CAGE1: variants seen among roughly 807,000 people sequenced by gnomAD.
CAGE1 encodes the protein cancer-associated gene 1 protein.
CAGE1 carries 66 observed loss-of-function variants against 94.9 expected under a neutral mutation model. The ratio of observed to expected loss-of-function variants is 0.70; its 90% CI spans 0.57 to 0.85. The LOEUF (loss-of-function observed/expected upper bound fraction) is 0.85. CAGE1 is among the 40% of genes least tolerant of loss of function. The probability of loss-of-function intolerance (pLI) is 0.00; values close to 1 mark genes in which losing one functional copy is unlikely to be tolerated. For missense variants in CAGE1, 865 were observed against 950.4 expected, an observed-to-expected ratio of 0.91 and a Z score of 1.18; for synonymous variants, 319 against 321.0, an observed-to-expected ratio of 0.99 and a Z score of 0.07.
At chr6:7,337,312 G>A (rs1758989158) in intron 11 of CAGE1, among the ~76,000 whole-genome samples, 1 of 134,674 alleles carries the variant, frequency 7.4e-6, no homozygotes, top group African/African-American at 2.8e-5. Context: ...GGGTGACAGA[G>A]TGAGACTGTC....
At chr6:7,384,280 T>C (rs563631038) in intron 3 of CAGE1, among the ~76,000 whole-genome samples, 12 of 152,310 alleles carry the variant, frequency 7.9e-5, no homozygotes, top group African/African-American at 2.9e-4. Context: ...GGTTTCACCA[T>C]GTTAGCCAGG....
Position 7,339,644 on chromosome 6 carries a change from A to C in CAGE1, c.2370-5554T>G, listed in dbSNP as rs569560870. 9.6e-5 allele frequency: 60 copies of C among 626,352 alleles called. 1 individual carries two copies. The African/African-American group carries it at 1.0e-3, about 11-fold the overall frequency. The allele number at this position is 626,352 out of a possible 1,614,324, so 38.8% of individuals were successfully genotyped here. ...TTTGTGTCCTCATAGCTTAGCTCCCACTTATGAGTGAGAACATATGATGTT... is the reference window on the plus strand; with the variant it reads ...TTTGTGTCCTCATAGCTTAGCTCCCCCTTATGAGTGAGAACATATGATGTT... On this transcript the variant is annotated intron_variant, in intron 11 of 13. Transcript: ENST00000502583. This position sits in a 1 kb window ranked among gnomAD's most constrained non-coding sequence, Gnocchi z 4.7.
chr6:7,353,832 G>A (rs975243520), intron 11 of CAGE1, among the ~76,000 whole-genome samples: 1 of 151,882 alleles, frequency 6.6e-6, no homozygotes, highest in Non-Finnish European at 1.5e-5. Flanking sequence ...CTAAGTGAAG[G>A]AACTCAGGAA....
rs557641302 is a variant in CAGE1 at position 7,349,352 on chromosome 6, A to G, written c.2369+5689T>C. On this transcript the variant is annotated intron_variant, in intron 11 of 13. Coordinates refer to ENST00000502583, the MANE Select transcript of CAGE1 (RefSeq NM_001170692.2). ...GAAAGATACAGTCTGTTTCAGACAA[A>G]CAAATGCTGAGAGAATTCCCCACTA... Among the ~76,000 whole-genome samples, 5 of 152,336 alleles carry G rather than the reference A, an allele frequency of 3.3e-5. No homozygotes were observed. The South Asian group carries it at 1.0e-3, about 32-fold the overall frequency.
intron 11 of CAGE1, chr6:7,338,970 G>A: frequency 6.2e-7 from 1 of 1,609,856 alleles, no homozygotes; most frequent in South Asian, 1.1e-5. Context: ...GGGCTTCTTA[G>A]GGCCAATCTT....
At chr6:7,348,295 G>C (rs1350568054) in intron 11 of CAGE1, among the ~76,000 whole-genome samples, 1 of 152,170 alleles carries the variant, frequency 6.6e-6, no homozygotes, top group African/African-American at 2.4e-5. Flanking sequence ...AGGTAGACTT[G>C]CTGGGTGGCT....
intron 1 of CAGE1, among the ~76,000 whole-genome samples, chr6:7,387,900 G>A (rs979765060): frequency 6.6e-6 from 1 of 151,094 alleles, no homozygotes; most frequent in African/African-American, 2.4e-5. Context: ...TGGGCGCGGT[G>A]GCGTGTGCCT....
chr6:7,349,796 G>A (rs1384421142), intron 11 of CAGE1, among the ~76,000 whole-genome samples: 5 of 152,028 alleles, frequency 3.3e-5, no homozygotes, highest in African/African-American at 9.7e-5. Context: ...GCCAGGTGTG[G>A]TGGTGCACAC....
At chr6:7,348,109 AGGCCAACCAGT>A (rs1759632870) in intron 11 of CAGE1, among the ~76,000 whole-genome samples, 1 of 152,124 alleles carries the variant, frequency 6.6e-6, no homozygotes, top group Non-Finnish European at 1.5e-5. Context: ...TCCTCACAGG[AGGCCAACCAGT>A]ACAAAAATAA....
intron 3 of CAGE1, among the ~76,000 whole-genome samples, chr6:7,380,274 G>A (rs1258804824): frequency 6.6e-6 from 1 of 152,152 alleles, no homozygotes; most frequent in Non-Finnish European, 1.5e-5. Context: ...CTTTAGGTGA[G>A]TGATTAATAT....
chr6:7,369,522 C>T (rs1456953981), intron 6 of CAGE1, among the ~76,000 whole-genome samples: 1 of 152,178 alleles, frequency 6.6e-6, no homozygotes, highest in Non-Finnish European at 1.5e-5. Flanking sequence ...CTACACTGCC[C>T]TTCCCCGACT....
chr6:7,338,725 G>C (rs1581659320), intron 11 of CAGE1: 1 of 656,284 alleles, frequency 1.5e-6, no homozygotes, highest in East Asian at 2.8e-5. Context: ...TTTCCCCCAA[G>C]TCCCCAAAGT....
intron 11 of CAGE1, among the ~76,000 whole-genome samples, chr6:7,354,565 T>TA (rs1759886976): frequency 6.6e-6 from 1 of 152,180 alleles, no homozygotes; most frequent in African/African-American, 2.4e-5. Context: ...AAGCAGCATA[T>TA]TAGAAACAAG....
At chr6:7,372,546 A>G (rs1760575431) in intron 5 of CAGE1, among the ~76,000 whole-genome samples, 1 of 152,048 alleles carries the variant, frequency 6.6e-6, no homozygotes, top group African/African-American at 2.4e-5. Flanking sequence ...TCCCACGTTA[A>G]TGGCCACCTC....
intron 1 of CAGE1, among the ~76,000 whole-genome samples, chr6:7,387,780 G>A (rs1363183967): frequency 1.3e-5 from 2 of 151,260 alleles, no homozygotes; most frequent in Non-Finnish European, 2.9e-5. Flanking sequence ...AGCACTTTGG[G>A]AGGCCGACGC....
chr6:7,385,735 A>C, intron 3 of CAGE1, 50 bp downstream of exon 3: 1 of 1,155,694 alleles, frequency 8.7e-7, no homozygotes, highest in Non-Finnish European at 1.2e-6. Context: ...ATCACGGAAC[A>C]CAAAAAAAAG....
At chr6:7,327,349 T>C (rs1435819240) in intron 13 of CAGE1, among the ~76,000 whole-genome samples, 1 of 152,058 alleles carries the variant, frequency 6.6e-6, no homozygotes, top group African/African-American at 2.4e-5. Flanking sequence ...GAGATGGGGT[T>C]TTGCCATGTT....
At chr6:7,377,140 T>C (rs140670954) in intron 4 of CAGE1, among the ~76,000 whole-genome samples, 20 of 152,310 alleles carry the variant, frequency 1.3e-4, no homozygotes, top group African/African-American at 4.3e-4. Flanking sequence ...GCTGTCTTCA[T>C]GAGGACAAGA....
Position 7,368,724 on chromosome 6 carries a change from C to T in CAGE1, c.1968G>A (p.Lys656=), listed in dbSNP as rs146115743. 2.3e-3 allele frequency: 3,611 copies of T among 1,549,602 alleles called. 67 individuals are homozygous for T. In the African/African-American group the frequency reaches 0.043, roughly 19 times the overall value. The part of the protein sequence containing the change: ...KVSDIMLQKL[K]SLHLKKKTLD... ...AAGTTTTCTTTTTAAGATGGAGGCT[C>T]TTCAGTTTTTGCAGCATTATATCAC... The change falls in exon 7 of 14, where the codon AAG becomes AAA. Residue 656 remains lysine, a synonymous_variant. Coordinates refer to ENST00000502583, the MANE Select transcript of CAGE1 (RefSeq NM_001170692.2).
Sources: allele counts gnomAD v4.1 joint callset (sites outside exome capture counted in the v4.1 genomes callset), GRCh38; gene constraint gnomAD v4.1.1; non-coding constraint Gnocchi (gnomAD v3.1); transcripts MANE v1.5; gene names NCBI Gene and HGNC (gene_info 2026-07-23, HGNC 2026-07-21).